Variants in SARNP observed in about 807,000 individuals in gnomAD.
SARNP encodes the protein SAP domain containing ribonucleoprotein, also known as SAP domain-containing ribonucleoprotein.
SARNP carries 5 observed loss-of-function variants against 38.1 expected under a neutral mutation model. That is an observed-to-expected ratio of 0.13 (90% CI 0.07 to 0.28). The LOEUF is 0.28. Among genes scored for constraint, SARNP ranks in the 10% least tolerant of loss-of-function variants. The probability of loss-of-function intolerance (pLI) is 1.00; values close to 1 mark genes in which losing one functional copy is unlikely to be tolerated. For synonymous variants in SARNP, 84 were observed against 80.6 expected (o/e 1.04, Z -0.23); for missense variants, 180 against 243.9 (o/e 0.74, Z 1.75).
At chr12:55,765,889 T>C (rs1054443416) in intron 9 of SARNP, among the ~76,000 whole-genome samples, 5 of 152,114 alleles carry the variant, frequency 3.3e-5, no homozygotes, top group Admixed American at 6.6e-5. Context: ...ACAGTTCTAA[T>C]GATCTCTCTC....
intron 9 of SARNP, among the ~76,000 whole-genome samples, chr12:55,787,727 C>T (rs1480977028): frequency 6.6e-6 from 1 of 150,384 alleles, no homozygotes; most frequent in Non-Finnish European, 1.5e-5. Context: ...CGGTGGTGCT[C>T]GACTGATTTT....
In SARNP at chr12:55,757,460, G is replaced by A. The variant is rs567748197; in HGVS notation, c.*52C>T. 1.8e-5 allele frequency: 28 copies of A among 1,524,778 alleles called. No individual in the cohort carries two copies. In the East Asian group the frequency reaches 5.9e-4, roughly 32 times the overall value. 94.5% of individuals were successfully genotyped at this position (1,524,778 alleles called of 1,614,324 possible). A position where few individuals can be genotyped will look rare whatever the true frequency, so the allele number is the denominator to read the frequency against. ...ATTTAGGCATATATGTGACCAAGAA[G>A]AAGGAGAGAAATGGAAAACACTGGA... On this transcript the variant is annotated 3_prime_UTR_variant, in exon 11 of 11. Transcript: ENST00000336133.
At chr12:55,759,904 AT>A in intron 10 of SARNP, among the ~76,000 whole-genome samples, 1 of 151,324 alleles carries the variant, frequency 6.6e-6, no homozygotes, top group South Asian at 2.1e-4. Flanking sequence ...CGCCTAGCTA[AT>A]TTTTGTATTT....
At chr12:55,783,138 T>C (rs1318002726) in intron 9 of SARNP, among the ~76,000 whole-genome samples, 1 of 151,986 alleles carries the variant, frequency 6.6e-6, no homozygotes. Flanking sequence ...GTTTCCTATG[T>C]GCTAAGTTCT....
chr12:55,815,240 T>G (rs1053246681), intron 1 of SARNP, among the ~76,000 whole-genome samples: 3 of 152,026 alleles, frequency 2.0e-5, no homozygotes, highest in Non-Finnish European at 4.4e-5. Flanking sequence ...TAATTTTTTT[T>G]GTAGAGACAG....
intron 9 of SARNP, among the ~76,000 whole-genome samples, chr12:55,766,890 CCTCCT>C (rs1396050639): frequency 2.1e-4 from 1 of 4,674 alleles, no homozygotes; most frequent in Non-Finnish European, 2.8e-4. Flanking sequence ...CTAGTCTCTG[CCTCCT>C]AGTCTCTGCC....
intron 9 of SARNP, among the ~76,000 whole-genome samples, chr12:55,780,507 AAAAG>A (rs1196434412): frequency 1.2e-4 from 18 of 152,048 alleles, no homozygotes; most frequent in Admixed American, 3.3e-4. Context: ...AAAAGAAAAG[AAAAG>A]AAAGAAAGAT....
intron 9 of SARNP, among the ~76,000 whole-genome samples, chr12:55,770,815 T>C (rs1376604060): frequency 1.3e-5 from 2 of 152,178 alleles, no homozygotes; most frequent in African/African-American, 4.8e-5. Flanking sequence ...TTATCCTAAA[T>C]ACAGTAAAGA....
chr12:55,778,694 A>C (rs1879256108), intron 9 of SARNP, among the ~76,000 whole-genome samples: 1 of 152,154 alleles, frequency 6.6e-6, no homozygotes, highest in Non-Finnish European at 1.5e-5. Context: ...CCAAGAGGCC[A>C]GGTGTGGTAG....
chr12:55,754,572 G>A (rs1244604650), downstream of SARNP: 7 of 152,176 alleles, frequency 4.6e-5, no homozygotes, highest in Non-Finnish European at 8.8e-5. Flanking sequence ...CATTAACTGG[G>A]TGTATGCACA....
chr12:55,760,898 C>G, intron 9 of SARNP: 1 of 364,584 alleles, frequency 2.7e-6, no homozygotes, highest in South Asian at 6.5e-5. Flanking sequence ...AGTAAGAGGC[C>G]GGGCACGGTG....
downstream of SARNP, chr12:55,757,263 C>CTT: frequency 2.8e-6 from 1 of 351,528 alleles, no homozygotes; most frequent in East Asian, 4.9e-5. Flanking sequence ...CCTAATAAAA[C>CTT]ACATTGTTCT....
downstream of SARNP, chr12:55,757,244 A>AG (rs1878534708): frequency 3.2e-6 from 1 of 308,474 alleles, no homozygotes; most frequent in Non-Finnish European, 6.0e-6. Context: ...CCAATAAATC[A>AG]AAGGAGCACC....
At chr12:55,787,391 A>G (rs1038987495) in intron 9 of SARNP, among the ~76,000 whole-genome samples, 4 of 152,198 alleles carry the variant, frequency 2.6e-5, no homozygotes, top group Non-Finnish European at 4.4e-5. Context: ...GTTTCTTCCA[A>G]TGGCTTTCTA....
intron 6 of SARNP, among the ~76,000 whole-genome samples, 189 bp from the exon 7 acceptor site, chr12:55,794,576 G>A (rs912968445): frequency 6.6e-6 from 1 of 152,178 alleles, no homozygotes; most frequent in Non-Finnish European, 1.5e-5. Context: ...AGAATTAGTA[G>A]TAGTCAGTTC....
intron 7 of SARNP, chr12:55,792,713 C>T (rs1879710181): frequency 6.6e-6 from 1 of 151,778 alleles, no homozygotes. Flanking sequence ...GAGACAGGAT[C>T]TTGCTCTGTC....
At chr12:55,776,670 GGA>G (rs1330435321) in intron 9 of SARNP, among the ~76,000 whole-genome samples, 2 of 152,100 alleles carry the variant, frequency 1.3e-5, no homozygotes, top group Non-Finnish European at 2.9e-5. Context: ...CCACAGCTGG[GGA>G]GAGTATCTGG....
downstream of SARNP, chr12:55,754,088 C>T (rs1374044612): frequency 6.6e-6 from 1 of 152,236 alleles, no homozygotes; most frequent in Non-Finnish European, 1.5e-5. Context: ...TCTATCAGCA[C>T]ACTGACCCCA....
chr12:55,755,895 A>C (rs1878492227), downstream of SARNP: 1 of 151,842 alleles, frequency 6.6e-6, no homozygotes, highest in Non-Finnish European at 1.5e-5. Context: ...AATCCTGGCA[A>C]GTAAGGCTGA....
Sources: gnomAD v4.1 joint callset for allele counts (sites outside exome capture counted in the v4.1 genomes callset) on GRCh38, gnomAD v4.1.1 for gene constraint, MANE v1.5 for transcripts, NCBI Gene and HGNC (gene_info 2026-07-23, HGNC 2026-07-21) for gene names.